The following FTCDNL1 variants were observed in gnomAD, a reference collection of about 807,000 sequenced individuals.
The protein encoded by FTCDNL1 is formiminotransferase cyclodeaminase N-terminal like, also known as formiminotransferase N-terminal subdomain-containing protein.
A neutral mutation model predicts 5.9 loss-of-function variants in FTCDNL1; 11 were observed. That is an observed-to-expected ratio of 1.87 (90% CI 1.18 to 3.10). The LOEUF is 3.10. Among genes scored for constraint, FTCDNL1 ranks in the 30% most tolerant of loss-of-function variants. The pLI is 0.00. For synonymous variants in FTCDNL1, 58 were observed against 24.8 expected (o/e 2.34, Z -3.99); for missense variants, 115 against 65.5 (o/e 1.76, Z -2.61).
intron 4 of FTCDNL1, among the ~76,000 whole-genome samples, chr2:199,816,022 G>GAAAC (rs1701333261): frequency 6.6e-6 from 1 of 150,914 alleles, no homozygotes. Context: ...AAGAAAGAAA[G>GAAAC]AAAGAAAGCA....
chr2:199,707,506 G>A, the FTCDNL1 span, among the ~76,000 whole-genome samples: 1 of 151,838 alleles, frequency 6.6e-6, no homozygotes, highest in African/African-American at 2.4e-5. Context: ...ATGAATGTTG[G>A]TTCTGTAATG....
chr2:199,731,696 A>G, the FTCDNL1 span, among the ~76,000 whole-genome samples: 93 of 152,198 alleles, frequency 6.1e-4, no homozygotes, highest in African/African-American at 1.5e-3. Context: ...AGACCATCCC[A>G]GCTAAAACGG....
intron 3 of FTCDNL1, among the ~76,000 whole-genome samples, chr2:199,830,082 G>A (rs963773260): frequency 6.6e-6 from 1 of 151,790 alleles, no homozygotes; most frequent in Non-Finnish European, 1.5e-5. Flanking sequence ...TAAACTGGGT[G>A]CTAGACTTAA....
the FTCDNL1 span, among the ~76,000 whole-genome samples, chr2:199,730,785 C>T: frequency 2.0e-4 from 30 of 152,256 alleles, no homozygotes; most frequent in South Asian, 2.1e-3. Flanking sequence ...GACAGAGTGG[C>T]GATTCCCCAA....
intron 3 of FTCDNL1, among the ~76,000 whole-genome samples, chr2:199,767,221 A>G (rs566707229): frequency 4.6e-5 from 7 of 152,258 alleles, no homozygotes; most frequent in African/African-American, 1.7e-4. Flanking sequence ...ACCAGGTACC[A>G]TGTTTCTCTG....
At chr2:199,717,999 A>AC in the FTCDNL1 span, among the ~76,000 whole-genome samples, 8 of 149,020 alleles carry the variant, frequency 5.4e-5, no homozygotes, top group South Asian at 1.1e-3. Flanking sequence ...AAAAAAAAAA[A>AC]CAAAAAAAAC....
chr2:199,812,817 T>C (rs1701115963), intron 4 of FTCDNL1, 93 bp from the exon 5 acceptor site: 2 of 603,464 alleles, frequency 3.3e-6, no homozygotes, highest in Non-Finnish European at 5.9e-6. Flanking sequence ...TGTTTACTCC[T>C]AGTTAAATAT....
At chr2:199,718,541 T>A in the FTCDNL1 span, among the ~76,000 whole-genome samples, 2 of 152,064 alleles carry the variant, frequency 1.3e-5, no homozygotes, top group African/African-American at 2.4e-5. Flanking sequence ...AGTATAATGA[T>A]TTTTTTCCCT....
At chr2:199,824,519 C>A (rs894894009) in intron 3 of FTCDNL1, among the ~76,000 whole-genome samples, 2 of 152,204 alleles carry the variant, frequency 1.3e-5, no homozygotes, top group South Asian at 4.1e-4. Flanking sequence ...CCAGCTGGCA[C>A]AAGAGGCCTA....
At chr2:199,804,267 G>T (rs1356670693) in intron 3 of FTCDNL1, among the ~76,000 whole-genome samples, 1 of 152,184 alleles carries the variant, frequency 6.6e-6, no homozygotes, top group African/African-American at 2.4e-5. Context: ...TTCAGACGGG[G>T]CTTCCTGAGA....
the FTCDNL1 span, among the ~76,000 whole-genome samples, chr2:199,696,879 T>G: frequency 1.3e-5 from 2 of 152,100 alleles, no homozygotes; most frequent in African/African-American, 4.8e-5. Context: ...AGGAGAAAGT[T>G]GAAACCCAAT....
downstream of FTCDNL1, among the ~76,000 whole-genome samples, chr2:199,808,976 T>C (rs1700876006): frequency 6.6e-6 from 1 of 152,204 alleles, no homozygotes. Context: ...ACCTGGGCAC[T>C]GCTGCTTCTC....
intron 3 of FTCDNL1, among the ~76,000 whole-genome samples, chr2:199,799,460 T>C (rs1475915143): frequency 6.6e-6 from 1 of 152,140 alleles, no homozygotes; most frequent in Non-Finnish European, 1.5e-5. Flanking sequence ...TTAGAGAAAT[T>C]CAAATAGGCT....
At chr2:199,668,044 G>C in the FTCDNL1 span, among the ~76,000 whole-genome samples, 1 of 152,192 alleles carries the variant, frequency 6.6e-6, no homozygotes, top group Admixed American at 6.5e-5. Flanking sequence ...GATGGTGCTT[G>C]CTGACAGCAT....
chr2:199,729,890 C>T, the FTCDNL1 span, among the ~76,000 whole-genome samples: 28 of 152,268 alleles, frequency 1.8e-4, no homozygotes, highest in African/African-American at 6.5e-4. Context: ...GCCCATATAG[C>T]CAAGACAATC....
chr2:199,801,333 G>A (rs376089426), intron 3 of FTCDNL1, among the ~76,000 whole-genome samples: 40 of 152,052 alleles, frequency 2.6e-4, no homozygotes, highest in African/African-American at 8.7e-4. Context: ...TATAACTCAC[G>A]GGGCCCAGTG....
At chr2:199,668,605 T>C in the FTCDNL1 span, among the ~76,000 whole-genome samples, 1 of 152,160 alleles carries the variant, frequency 6.6e-6, no homozygotes, top group African/African-American at 2.4e-5. Context: ...GATCAGGGAT[T>C]ACTCTGCCAC....
chr2:199,785,514 G>A (rs996949207), intron 3 of FTCDNL1: 18 of 152,090 alleles, frequency 1.2e-4, no homozygotes, highest in Non-Finnish European at 2.5e-4. Context: ...GGGATTACAA[G>A]CGTGAGCCAC....
chr2:199,746,633 C>T, the FTCDNL1 span, among the ~76,000 whole-genome samples: 2 of 151,658 alleles, frequency 1.3e-5, no homozygotes, highest in Non-Finnish European at 2.9e-5. Context: ...TTTTGAAAAT[C>T]GATGATAATC....
Sources: allele counts gnomAD v4.1 joint callset (sites outside exome capture counted in the v4.1 genomes callset), GRCh38; gene constraint gnomAD v4.1.1; transcripts MANE v1.5; gene names NCBI Gene and HGNC (gene_info 2026-07-23, HGNC 2026-07-21).